The following DLGAP2 variants were observed in gnomAD, a reference collection of about 807,000 sequenced individuals.
DLGAP2 encodes the protein disks large-associated protein 2.
Under a neutral mutation model 100.3 loss-of-function variants are expected in DLGAP2, and 26 were observed. The observed-to-expected ratio is 0.26, with a 90% CI of 0.19 to 0.36. The LOEUF (loss-of-function observed/expected upper bound fraction) is 0.36. Ranked by LOEUF, DLGAP2 falls within the 10% of genes least tolerant of loss-of-function variation. DLGAP2 has a pLI of 1.00. For missense variants in DLGAP2, 1,858 were observed against 1,453.2 expected, an observed-to-expected ratio of 1.28 and a Z score of -4.53; for synonymous variants, 886 against 630.1, an observed-to-expected ratio of 1.41 and a Z score of -6.08.
intron 2 of DLGAP2, among the ~76,000 whole-genome samples, chr8:1,200,603 A>T (rs1304807496): frequency 6.6e-6 from 1 of 152,148 alleles, no homozygotes; most frequent in Non-Finnish European, 1.5e-5. Context: ...CACGTCCATT[A>T]GCGTCACCAA....
At chr8:1,021,199 A>T (rs768271845) in intron 2 of DLGAP2, among the ~76,000 whole-genome samples, 3 of 152,216 alleles carry the variant, frequency 2.0e-5, no homozygotes, top group Non-Finnish European at 4.4e-5. Context: ...TCTTAAGAAG[A>T]TATTGTTACC....
chr8:882,143 A>G lies in DLGAP2; in HGVS notation c.19-25769A>G, dbSNP rs148841042. ...TAATAGAGAACTTAAGAGAGGCGTC[A>G]GTGATGCTCCAAATGAGACGTGAGA... is the stretch of plus-strand genomic sequence containing the variant. On this transcript the variant is annotated intron_variant, in intron 1 of 14. Coordinates refer to ENST00000637795, the MANE Select transcript of DLGAP2 (RefSeq NM_001346810.2). 4.3e-3 allele frequency among the ~76,000 whole-genome samples: 650 copies of G among 152,344 alleles called. 2 individuals are homozygous for G. Among genetic ancestry groups the G allele is most frequent in the African/African-American group, 0.014 (602 of 41,586 alleles).
intron 2 of DLGAP2, among the ~76,000 whole-genome samples, chr8:1,211,769 G>A (rs1442000594): frequency 6.6e-6 from 1 of 152,244 alleles, no homozygotes. Context: ...CAGCTACTCA[G>A]GAGGCTGAGG....
At chr8:1,531,241 C>CGTGTGTGT (rs58738870) in intron 4 of DLGAP2, among the ~76,000 whole-genome samples, 3,239 of 143,258 alleles carry the variant, frequency 0.023, 111 homozygotes, top group African/African-American at 0.07. Flanking sequence ...AGAGCGTGTG[C>CGTGTGTGT]GTGTGTGTGT....
chr8:1,600,059 C>G (rs553679893), intron 6 of DLGAP2, among the ~76,000 whole-genome samples: 1 of 152,138 alleles, frequency 6.6e-6, no homozygotes, highest in East Asian at 1.9e-4. Flanking sequence ...TCTTGTAAGG[C>G]AGGCCTGGTG....
Position 1,548,939 on chromosome 8 carries a change from G to A in DLGAP2, c.486G>A (p.Pro162=), listed in dbSNP as rs1169285519. 3.1e-6 allele frequency: 5 copies of A among 1,598,512 alleles called. No homozygotes were observed. The South Asian group carries it at 3.3e-5, about 11-fold the overall frequency. Residue 162 remains proline (P), a synonymous_variant, in exon 5 of 15, where the codon CCG becomes CCA. Coordinates refer to ENST00000637795, the MANE Select transcript of DLGAP2 (RefSeq NM_001346810.2). The part of the protein sequence containing the change: ...LGDHVSSSTF[P]RMHYSSHYDT... ...ACCACGTGTCCAGCAGCACCTTCCC[G>A]CGGATGCACTACAGCTCGCACTACG...
At chr8:765,296 A>G (rs1821182985) in intron 1 of DLGAP2, among the ~76,000 whole-genome samples, 1 of 152,228 alleles carries the variant, frequency 6.6e-6, no homozygotes, top group Non-Finnish European at 1.5e-5. Context: ...ATAATGTATC[A>G]ATGTTAAATA....
chr8:1,037,161 C>T (rs1233769080), intron 2 of DLGAP2, among the ~76,000 whole-genome samples: 2 of 152,174 alleles, frequency 1.3e-5, no homozygotes, highest in Admixed American at 1.3e-4. Context: ...GTCCTTCCTG[C>T]CGCCTGCACC....
chr8:1,446,069 T>G (rs999147563), intron 3 of DLGAP2, among the ~76,000 whole-genome samples: 6 of 152,134 alleles, frequency 3.9e-5, no homozygotes, highest in African/African-American at 1.4e-4. Context: ...GTAGTTTCTT[T>G]TGCTGTGCAG....
At chr8:1,197,791 C>T (rs1406814320) in intron 2 of DLGAP2, among the ~76,000 whole-genome samples, 1 of 152,232 alleles carries the variant, frequency 6.6e-6, no homozygotes, top group East Asian at 1.9e-4. Context: ...ACATGAACCG[C>T]ACTACCTTTT....
At position 1,110,714 on chromosome 8, in the gene DLGAP2, C is replaced by CTT. The variant is rs10573688; in HGVS notation, c.74-148120_74-148119dup. Among the ~76,000 whole-genome samples the CTT allele has an allele frequency of 2.6e-3, 333 of 127,858 alleles. 3 individuals are homozygous for CTT. The highest frequency in any genetic ancestry group is 8.2e-3 in the African/African-American group (281 of 34,380). The allele number at this position is 127,858 out of a possible 152,430, so 83.9% of individuals were successfully genotyped here. On this transcript the variant is annotated intron_variant, in intron 2 of 14. Transcript: ENST00000637795. ...TCCATTTTCAGGGAAGATTTATAGC[C>CTT]TTTTTTTTTTTTTTTTTTGAGAGAC...
chr8:1,588,123 T>A (rs1439135783), intron 6 of DLGAP2, among the ~76,000 whole-genome samples: 1 of 152,018 alleles, frequency 6.6e-6, no homozygotes, highest in African/African-American at 2.4e-5. Flanking sequence ...TAAATATGAG[T>A]CACTCTCTTT....
At chr8:919,299 TGGGGTA>T in intron 2 of DLGAP2, among the ~76,000 whole-genome samples, 1 of 152,272 alleles carries the variant, frequency 6.6e-6, no homozygotes, top group South Asian at 2.1e-4. Context: ...CTCATGGTGC[TGGGGTA>T]GCTGAGACAG....
chr8:1,362,215 G>A (rs1278878483), intron 3 of DLGAP2, among the ~76,000 whole-genome samples: 1 of 152,042 alleles, frequency 6.6e-6, no homozygotes, highest in Admixed American at 6.5e-5. Flanking sequence ...GCGAGTCCTC[G>A]GGAACTGTGG....
intron 2 of DLGAP2, among the ~76,000 whole-genome samples, chr8:1,227,138 G>A (rs946363839): frequency 1.6e-5 from 1 of 61,986 alleles, no homozygotes; most frequent in Non-Finnish European, 2.7e-5. Flanking sequence ...AAATGAATGG[G>A]TAAGGAAACT....
intron 2 of DLGAP2, among the ~76,000 whole-genome samples, chr8:1,191,580 C>G (rs941494312): frequency 6.6e-6 from 1 of 152,214 alleles, no homozygotes; most frequent in Admixed American, 6.5e-5. Context: ...GCCCTCTGCA[C>G]TTCTTACATA....
intron 3 of DLGAP2, among the ~76,000 whole-genome samples, chr8:1,303,069 G>C (rs1399434819): frequency 6.6e-6 from 1 of 152,196 alleles, no homozygotes; most frequent in Admixed American, 6.5e-5. Flanking sequence ...GCAGGGGAGC[G>C]AGCGTCCTTG....
At chr8:983,694 C>G (rs1450364445) in intron 2 of DLGAP2, among the ~76,000 whole-genome samples, 2 of 152,124 alleles carry the variant, frequency 1.3e-5, no homozygotes, top group African/African-American at 4.8e-5. Flanking sequence ...CCAGGCTGGA[C>G]TGCAGTGGTG....
At chr8:800,721 G>A (rs1796132367) in intron 1 of DLGAP2, among the ~76,000 whole-genome samples, 1 of 151,744 alleles carries the variant, frequency 6.6e-6, no homozygotes, top group Admixed American at 6.6e-5. Flanking sequence ...TGTGTCCATG[G>A]GTGTTTGTGT....
Sources: allele counts gnomAD v4.1 joint callset (sites outside exome capture counted in the v4.1 genomes callset), GRCh38; gene constraint gnomAD v4.1.1; transcripts MANE v1.5; gene names NCBI Gene and HGNC (gene_info 2026-07-23, HGNC 2026-07-21).